Variants in MACROD2 observed in about 807,000 individuals in gnomAD.
The protein encoded by MACROD2 is ADP-ribose glycohydrolase MACROD2.
Under a neutral mutation model 70.4 loss-of-function variants are expected in MACROD2, and 36 were observed. That is an observed-to-expected ratio of 0.51 (90% CI 0.39 to 0.68). The LOEUF (loss-of-function observed/expected upper bound fraction) is 0.68. Among genes scored for constraint, MACROD2 ranks in the 30% least tolerant of loss-of-function variants. MACROD2 has a pLI of 0.00. For missense variants in MACROD2, 496 were observed against 538.4 expected (o/e 0.92, Z 0.78); for synonymous variants, 172 against 178.8 (o/e 0.96, Z 0.30).
At chr20:15,877,623 C>T (rs1049969496) in intron 9 of MACROD2, among the ~76,000 whole-genome samples, 2 of 152,168 alleles carry the variant, frequency 1.3e-5, no homozygotes, top group African/African-American at 4.8e-5. Flanking sequence ...GAAGTTTCTG[C>T]TTTGTCAAGT....
chr20:14,188,749 C>A (rs1416068036), intron 3 of MACROD2, among the ~76,000 whole-genome samples: 1 of 151,974 alleles, frequency 6.6e-6, no homozygotes, highest in Non-Finnish European at 1.5e-5. Context: ...GCCAGATGTA[C>A]AAATGAGAGA....
At chr20:14,608,514 G>A (rs548685407) in intron 4 of MACROD2, among the ~76,000 whole-genome samples, 4 of 152,264 alleles carry the variant, frequency 2.6e-5, no homozygotes, top group Admixed American at 1.3e-4. Flanking sequence ...CAGGCTAACA[G>A]ATCTTTCTGG....
At chr20:15,185,753 C>T (rs1229700918) in intron 5 of MACROD2, among the ~76,000 whole-genome samples, 2 of 152,166 alleles carry the variant, frequency 1.3e-5, no homozygotes, top group Non-Finnish European at 2.9e-5. Context: ...AACCAGAGGC[C>T]ATCCTCCTGC....
chr20:14,513,826 A>G (rs528880081), intron 4 of MACROD2, among the ~76,000 whole-genome samples: 8 of 152,152 alleles, frequency 5.3e-5, no homozygotes, highest in African/African-American at 1.7e-4. Flanking sequence ...ATATTCCTCT[A>G]TAAGTCACCA....
intron 5 of MACROD2, among the ~76,000 whole-genome samples, chr20:15,055,798 T>TG (rs2075480154): frequency 1.7e-5 from 1 of 57,964 alleles, no homozygotes; most frequent in Non-Finnish European, 4.0e-5. Context: ...AAGCAACATC[T>TG]TTTTTTTTTT....
chr20:14,718,815 A>G (rs1364472650), intron 5 of MACROD2, among the ~76,000 whole-genome samples: 2 of 152,342 alleles, frequency 1.3e-5, no homozygotes, highest in African/African-American at 4.8e-5. Flanking sequence ...GTTCAGTTCT[A>G]ATGTAGTATG....
intron 10 of MACROD2, among the ~76,000 whole-genome samples, chr20:15,891,845 T>A (rs1277225133): frequency 6.6e-6 from 1 of 152,098 alleles, no homozygotes; most frequent in East Asian, 1.9e-4. Context: ...ACAAAAAAAT[T>A]GAAAGGGCCT....
intron 6 of MACROD2, among the ~76,000 whole-genome samples, chr20:15,382,804 C>T (rs1247893867): frequency 1.3e-5 from 2 of 151,966 alleles, no homozygotes; most frequent in African/African-American, 4.8e-5. Context: ...TGAAATGTGT[C>T]GTCAGTAATT....
intron 17 of MACROD2, among the ~76,000 whole-genome samples, chr20:16,047,658 G>A (rs1393765679): frequency 9.0e-6 from 1 of 110,746 alleles, no homozygotes; most frequent in East Asian, 2.8e-4. Context: ...ATCCCTTTCA[G>A]ATGTTCTGGC....
At chr20:15,799,126 G>A (rs1181480562) in intron 8 of MACROD2, among the ~76,000 whole-genome samples, 2 of 152,046 alleles carry the variant, frequency 1.3e-5, no homozygotes, top group African/African-American at 2.4e-5. Context: ...TGGGCCTATA[G>A]TTTTAAAAAA....
chr20:15,002,073 A>T (rs777984039), intron 5 of MACROD2, among the ~76,000 whole-genome samples: 1 of 152,156 alleles, frequency 6.6e-6, no homozygotes, highest in Non-Finnish European at 1.5e-5. Flanking sequence ...TGCTATAAAC[A>T]TGCATGCACA....
intron 3 of MACROD2, among the ~76,000 whole-genome samples, chr20:14,436,572 G>T (rs2084058683): frequency 6.6e-6 from 1 of 152,158 alleles, no homozygotes; most frequent in South Asian, 2.1e-4. Context: ...TGAACAATGA[G>T]CTCTCTAATA....
Position 16,052,047 on chromosome 20 carries a change from C to T in MACROD2, c.*2171C>T, listed in dbSNP as rs1404844224. The T allele has an allele frequency of 6.6e-6, 1 of 152,122 alleles. No homozygotes were observed. The highest frequency in any genetic ancestry group is 1.5e-5 in the Non-Finnish European group (1 of 68,014). The allele number at this position is 152,122 out of a possible 1,614,324, so 9.4% of individuals were successfully genotyped here. A position where few individuals can be genotyped will look rare whatever the true frequency, so the allele number is the denominator to read the frequency against. On this transcript the variant is annotated 3_prime_UTR_variant, in exon 18 of 18. Transcript: ENST00000684519. ...AGGGAATTCTCTCTGCCTAAAAATT[C>T]TAGAAGAATGAAAGTAATCTTTGTA...
chr20:15,389,442 CT>C (rs1379684463), intron 6 of MACROD2, among the ~76,000 whole-genome samples: 2 of 152,258 alleles, frequency 1.3e-5, no homozygotes, highest in African/African-American at 4.8e-5. Context: ...AAATTTAACT[CT>C]AGGGTCACAG....
intron 6 of MACROD2, among the ~76,000 whole-genome samples, chr20:15,246,658 G>A (rs1463515711): frequency 2.0e-5 from 3 of 152,122 alleles, no homozygotes; most frequent in African/African-American, 7.2e-5. Context: ...AAACAGCTTG[G>A]CACTTCCTCA....
chr20:14,058,545 G>A (rs545284887), intron 2 of MACROD2, among the ~76,000 whole-genome samples: 7 of 150,422 alleles, frequency 4.7e-5, no homozygotes, highest in South Asian at 4.2e-4. Flanking sequence ...TTTCCTTATG[G>A]AGTTTTTTCC....
At chr20:14,166,892 A>T (rs903752889) in intron 3 of MACROD2, among the ~76,000 whole-genome samples, 1 of 152,222 alleles carries the variant, frequency 6.6e-6, no homozygotes. Flanking sequence ...ACAACTGTTT[A>T]CTTCAGCATA....
chr20:15,756,341 G>A (rs892234514), intron 8 of MACROD2, among the ~76,000 whole-genome samples: 7 of 152,136 alleles, frequency 4.6e-5, no homozygotes, highest in Non-Finnish European at 7.3e-5. Context: ...AGCACATTAG[G>A]AGAGTGTTTT....
chr20:15,158,599 A>G (rs1278815085), intron 5 of MACROD2, among the ~76,000 whole-genome samples: 2 of 152,154 alleles, frequency 1.3e-5, no homozygotes, highest in East Asian at 3.9e-4. Flanking sequence ...GGTCAATGAC[A>G]TTATCTTCAA....
Sources: gnomAD v4.1 joint callset for allele counts (sites outside exome capture counted in the v4.1 genomes callset) on GRCh38, gnomAD v4.1.1 for gene constraint, MANE v1.5 for transcripts, NCBI Gene and HGNC (gene_info 2026-07-23, HGNC 2026-07-21) for gene names.